RIMS2: variants seen among roughly 807,000 people sequenced by gnomAD.
RIMS2 encodes the protein regulating synaptic membrane exocytosis 2, also known as regulating synaptic membrane exocytosis protein 2.
In RIMS2, 59 loss-of-function variants were observed where a neutral mutation model predicts 174.4. The ratio of observed to expected loss-of-function variants is 0.34; its 90% CI spans 0.27 to 0.42. The LOEUF is 0.42. RIMS2 is among the 10% of genes least tolerant of loss of function. The probability of loss-of-function intolerance (pLI) is 1.00; values close to 1 mark genes in which losing one functional copy is unlikely to be tolerated. For synonymous variants in RIMS2, 606 were observed against 572.5 expected (o/e 1.06, Z -0.84); for missense variants, 1,620 against 1,666.3 (o/e 0.97, Z 0.48).
intron 1 of RIMS2, among the ~76,000 whole-genome samples, chr8:103,518,194 G>C (rs2130205282): frequency 6.6e-6 from 1 of 152,064 alleles, no homozygotes; most frequent in Non-Finnish European, 1.5e-5. Flanking sequence ...TTAAGAGATT[G>C]ACACTTTATA....
chr8:104,069,010 T>C (rs1388588383), intron 19 of RIMS2, among the ~76,000 whole-genome samples: 1 of 152,238 alleles, frequency 6.6e-6, no homozygotes, highest in Non-Finnish European at 1.5e-5. Context: ...GGTGCCTGCC[T>C]TATAGTGGAT....
chr8:103,995,763 G>T (rs2095052361), intron 17 of RIMS2, among the ~76,000 whole-genome samples: 1 of 151,994 alleles, frequency 6.6e-6, no homozygotes, highest in African/African-American at 2.4e-5. Flanking sequence ...GATGAAGATT[G>T]TATTTAGTCA....
chr8:103,917,126 T>A (rs531833739), intron 8 of RIMS2, among the ~76,000 whole-genome samples: 1 of 152,272 alleles, frequency 6.6e-6, no homozygotes, highest in East Asian at 1.9e-4. Flanking sequence ...GGCAAGTGAA[T>A]TACATTACAT....
chr8:103,734,343 C>CGG (rs2097656354), intron 2 of RIMS2, among the ~76,000 whole-genome samples: 1 of 120,804 alleles, frequency 8.3e-6, no homozygotes, highest in African/African-American at 3.1e-5. Context: ...TTTAACATTT[C>CGG]TTTTAGTGCA....
intron 19 of RIMS2, among the ~76,000 whole-genome samples, chr8:104,121,085 G>A (rs1374670885): frequency 2.6e-5 from 4 of 151,784 alleles, no homozygotes; most frequent in African/African-American, 9.7e-5. Flanking sequence ...GTACTTCGTG[G>A]TGCGATACTG....
chr8:103,583,976 A>T (rs377035724), intron 1 of RIMS2, among the ~76,000 whole-genome samples: 42 of 152,304 alleles, frequency 2.8e-4, no homozygotes, highest in African/African-American at 9.4e-4. Flanking sequence ...AGGTTATAGA[A>T]CTAAAGCAGT....
intron 17 of RIMS2, chr8:103,998,343 T>C: frequency 1.3e-6 from 1 of 753,786 alleles, no homozygotes; most frequent in Non-Finnish European, 2.2e-6. Flanking sequence ...TTTTTATGTA[T>C]ATACATATAT....
intron 1 of RIMS2, among the ~76,000 whole-genome samples, chr8:103,522,490 A>C (rs1484941120): frequency 6.6e-6 from 1 of 152,100 alleles, no homozygotes; most frequent in Non-Finnish European, 1.5e-5. Flanking sequence ...TGCAGTTTCT[A>C]TTTATCTGCC....
At chr8:104,222,469 G>A (rs748564308) in intron 19 of RIMS2, among the ~76,000 whole-genome samples, 12 of 152,170 alleles carry the variant, frequency 7.9e-5, no homozygotes, top group Non-Finnish European at 4.4e-5. Context: ...CACACGCCCA[G>A]TGATCATGTT....
intron 2 of RIMS2, among the ~76,000 whole-genome samples, chr8:103,760,073 A>T (rs13273514): frequency 0.23 from 34,939 of 152,154 alleles, 4,302 homozygotes; most frequent in Non-Finnish European, 0.25. Flanking sequence ...CAGATCAAAA[A>T]TAGAGAAATA....
chr8:103,506,768 T>G (rs1003499916), intron 1 of RIMS2, among the ~76,000 whole-genome samples: 1 of 152,180 alleles, frequency 6.6e-6, no homozygotes, highest in Admixed American at 6.5e-5. Flanking sequence ...TTTAAGCGAC[T>G]TCATTATTTG....
intron 1 of RIMS2, among the ~76,000 whole-genome samples, chr8:103,692,243 T>A (rs2097037157): frequency 6.6e-6 from 1 of 152,202 alleles, no homozygotes; most frequent in Non-Finnish European, 1.5e-5. Flanking sequence ...TCAAGGGCTT[T>A]ACAATCAGCA....
chr8:103,853,200 A>G (rs1459403425), intron 3 of RIMS2, among the ~76,000 whole-genome samples: 1 of 151,596 alleles, frequency 6.6e-6, no homozygotes, highest in Non-Finnish European at 1.5e-5. Context: ...TTTTTTTTGT[A>G]TGTTTGCTGG....
intron 4 of RIMS2, among the ~76,000 whole-genome samples, chr8:103,904,626 C>A (rs1372153295): frequency 6.6e-6 from 1 of 151,972 alleles, no homozygotes; most frequent in Non-Finnish European, 1.5e-5. Context: ...TCTTGCATTC[C>A]AGGAATAAAC....
Position 103,989,297 on chromosome 8 carries a change from T to A in RIMS2, c.2928-8T>A. The stretch of plus-strand genomic sequence containing the variant: ...TACTAAGATATTGAATAGATCTTGT[T>A]GTTTTAGTCGGAATGTGGAACAGGG... On this transcript the variant is annotated splice_region_variant and splice_polypyrimidine_tract_variant and intron_variant, in intron 16 of 23. Transcript: ENST00000504942. 6.6e-7 allele frequency: 1 copy of A among 1,508,750 alleles called. No homozygotes were observed. Among genetic ancestry groups the A allele is most frequent in the Non-Finnish European group, 9.2e-7 (1 of 1,085,220 alleles). The allele number at this position is 1,508,750 out of a possible 1,614,324, so 93.5% of individuals were successfully genotyped here.
chr8:103,936,017 G>C (rs1308259941), intron 12 of RIMS2, among the ~76,000 whole-genome samples: 1 of 152,128 alleles, frequency 6.6e-6, no homozygotes, highest in East Asian at 1.9e-4. Flanking sequence ...TAAAATACCA[G>C]ATGTATGTCA....
chr8:103,726,796 G>T (rs1307036849), intron 2 of RIMS2, among the ~76,000 whole-genome samples: 2 of 149,682 alleles, frequency 1.3e-5, no homozygotes, highest in Non-Finnish European at 1.5e-5. Flanking sequence ...GCAGTGGCGC[G>T]ATCTGGGCTC....
At chr8:103,515,938 G>A (rs1481206254) in intron 1 of RIMS2, among the ~76,000 whole-genome samples, 1 of 152,020 alleles carries the variant, frequency 6.6e-6, no homozygotes, top group East Asian at 1.9e-4. Flanking sequence ...TTAATCTGCA[G>A]TGAAAACTTT....
At chr8:104,218,393 C>T (rs865864064) in intron 19 of RIMS2, among the ~76,000 whole-genome samples, 5 of 152,218 alleles carry the variant, frequency 3.3e-5, no homozygotes, top group African/African-American at 1.2e-4. Flanking sequence ...TCATCAGCTA[C>T]GTTAGTGGTC....
Sources: gnomAD v4.1 joint callset for allele counts (sites outside exome capture counted in the v4.1 genomes callset) on GRCh38, gnomAD v4.1.1 for gene constraint, MANE v1.5 for transcripts, NCBI Gene and HGNC (gene_info 2026-07-23, HGNC 2026-07-21) for gene names.